ARID4B: variants seen among roughly 807,000 people sequenced by gnomAD.
ARID4B encodes AT-rich interactive domain-containing protein 4B.
ARID4B carries 26 observed loss-of-function variants against 147.5 expected under a neutral mutation model. The ratio of observed to expected loss-of-function variants is 0.18; its 90% CI spans 0.13 to 0.24. The LOEUF is 0.24. Ranked by LOEUF, ARID4B falls within the 10% of genes least tolerant of loss-of-function variation. ARID4B has a pLI of 1.00. For missense variants in ARID4B, 1,179 were observed against 1,511.5 expected (o/e 0.78, Z 3.65); for synonymous variants, 512 against 507.9 (o/e 1.01, Z -0.11).
At chr1:235,307,158 G>A (rs1241420497) in intron 2 of ARID4B, among the ~76,000 whole-genome samples, 1 of 152,184 alleles carries the variant, frequency 6.6e-6, no homozygotes, top group East Asian at 1.9e-4. Flanking sequence ...AATAGAAAAT[G>A]TCTGGCTGGG....
chr1:235,272,726 T>C (rs1380064000), intron 2 of ARID4B, among the ~76,000 whole-genome samples: 1 of 138,020 alleles, frequency 7.2e-6, no homozygotes, highest in Non-Finnish European at 1.6e-5. Context: ...TAATTAAATA[T>C]AAATTACATA....
rs545187504 is a variant in ARID4B, at chr1:235,255,930, T to C, written c.184-180A>G. 8.5e-5 allele frequency among the ~76,000 whole-genome samples: 13 copies of C among 152,066 alleles called. No individual in the cohort carries two copies. The East Asian group carries it at 2.3e-3, about 27-fold the overall frequency. Reference sequence around the variant, plus strand: ...GGCTCACGCCTGCAATCCCAGCACTTTGAGGGGCTGAGGCAGGTGGATCAC... The same window carrying C: ...GGCTCACGCCTGCAATCCCAGCACTCTGAGGGGCTGAGGCAGGTGGATCAC... On this transcript the variant is annotated intron_variant, in intron 4 of 23. Transcript: ENST00000264183.
At chr1:235,243,907 C>G (rs1669142635) in intron 7 of ARID4B, among the ~76,000 whole-genome samples, 1 of 151,878 alleles carries the variant, frequency 6.6e-6, no homozygotes, top group Non-Finnish European at 1.5e-5. Flanking sequence ...GAATCAAATT[C>G]TCATATTAAA....
At chr1:235,237,628 GTTTC>G (rs967229316) in intron 8 of ARID4B, among the ~76,000 whole-genome samples, 4 of 152,104 alleles carry the variant, frequency 2.6e-5, no homozygotes, top group African/African-American at 9.7e-5. Flanking sequence ...TAGTTCTATT[GTTTC>G]TTTTTCATTT....
At chr1:235,300,385 C>T (rs1673032001) in intron 2 of ARID4B, among the ~76,000 whole-genome samples, 1 of 151,124 alleles carries the variant, frequency 6.6e-6, no homozygotes, top group Non-Finnish European at 1.5e-5. Flanking sequence ...CCACTGCACT[C>T]CAGCCTGGGC....
chr1:235,294,177 C>A (rs932843063), intron 2 of ARID4B, among the ~76,000 whole-genome samples: 2 of 151,976 alleles, frequency 1.3e-5, no homozygotes, highest in South Asian at 2.1e-4. Flanking sequence ...AAAATTGACA[C>A]TGGACTTTCA....
At chr1:235,201,925 T>C (rs1195997137) in intron 17 of ARID4B, among the ~76,000 whole-genome samples, 2 of 151,758 alleles carry the variant, frequency 1.3e-5, no homozygotes, top group Admixed American at 6.6e-5. Context: ...TAAATTGTCT[T>C]GCAATTTTAG....
chr1:235,287,999 T>C (rs1354691512), intron 2 of ARID4B, among the ~76,000 whole-genome samples: 1 of 152,212 alleles, frequency 6.6e-6, no homozygotes, highest in African/African-American at 2.4e-5. Flanking sequence ...CATATTATCC[T>C]TGTAAAAATA....
In ARID4B at chr1:235,198,174, G is replaced by T. The variant is rs535497028; in HGVS notation, c.1842-2059C>A. Among the ~76,000 whole-genome samples, 4 of 152,302 alleles carry T rather than the reference G, an allele frequency of 2.6e-5. No homozygotes were observed. In the South Asian group the frequency reaches 8.3e-4, roughly 32 times the overall value. On this transcript the variant is annotated intron_variant, in intron 17 of 23. Transcript: ENST00000264183. Reference sequence around the variant, plus strand: ...ATAACATTAATGTGAGCTAAACAAAGTTATAATCATGTTCTACCTTTCTTA... The same window carrying T: ...ATAACATTAATGTGAGCTAAACAAATTTATAATCATGTTCTACCTTTCTTA...
chr1:235,311,401 T>C lies in ARID4B; in HGVS notation c.6+15513A>G, dbSNP rs182003852. ...ATAATAATAATAATAATAATAATAA[T>C]TCATAGGACTATAAGAAGCTTTGTA... is the stretch of plus-strand genomic sequence containing the variant. On this transcript the variant is annotated intron_variant, in intron 2 of 23. Transcript: ENST00000264183. 1.2e-3 allele frequency among the ~76,000 whole-genome samples: 170 copies of C among 142,224 alleles called. 1 individual carries two copies. Among genetic ancestry groups the C allele is most frequent in the African/African-American group, 4.3e-3 (167 of 38,668 alleles). 93.3% of individuals were successfully genotyped at this position (142,224 alleles called of 152,430 possible).
intron 2 of ARID4B, among the ~76,000 whole-genome samples, chr1:235,289,052 GAATA>G (rs1178503796): frequency 6.6e-6 from 1 of 152,156 alleles, no homozygotes; most frequent in Non-Finnish European, 1.5e-5. Flanking sequence ...CTGGCCCCAG[GAATA>G]AATGGCCAAA....
In ARID4B at chr1:235,182,586, G is replaced by C. The variant is rs1477278247; in HGVS notation, c.2333C>G (p.Ser778Cys). The C allele has an allele frequency of 6.2e-7, 1 of 1,612,318 alleles. No homozygotes were observed. The highest frequency in any genetic ancestry group is 8.5e-7 in the Non-Finnish European group (1 of 1,179,662). ...DLVISKPVSK[S>C]PERLRKDIEV... ...TATATCTTTCCTTAATCTTTCTGGA[G>C]ATTTTGACACTGGTTTGGATATTAC... The change falls in exon 20 of 24, where the codon TCT becomes TGT. Residue 778 changes from serine to cysteine, a missense_variant. By Grantham distance (112) the Ser-to-Cys change is moderately radical. Transcript: ENST00000264183.
chr1:235,309,467 T>G (rs1673873774), intron 2 of ARID4B, among the ~76,000 whole-genome samples: 1 of 135,162 alleles, frequency 7.4e-6, no homozygotes, highest in Non-Finnish European at 1.6e-5. Flanking sequence ...ATCCGGGAGG[T>G]AAGGGGCGCC....
intron 2 of ARID4B, among the ~76,000 whole-genome samples, chr1:235,325,727 T>G (rs1675184334): frequency 6.6e-6 from 1 of 152,204 alleles, no homozygotes; most frequent in African/African-American, 2.4e-5. Flanking sequence ...CTATGCTTCA[T>G]GAAATGAGAT....
chr1:235,270,544 CAG>C (rs956958530), intron 2 of ARID4B, among the ~76,000 whole-genome samples: 2 of 152,158 alleles, frequency 1.3e-5, no homozygotes, highest in African/African-American at 4.8e-5. Flanking sequence ...CAAATATTAA[CAG>C]AAGAGTATCT....
At chr1:235,311,360 A>AATC (rs1213041427) in intron 2 of ARID4B, among the ~76,000 whole-genome samples, 1 of 28,926 alleles carries the variant, frequency 3.5e-5, no homozygotes, top group Non-Finnish European at 6.3e-5. Context: ...TCAAAACAAT[A>AATC]ATAATAATAA....
At chr1:235,296,765 T>C (rs1572179719) in intron 2 of ARID4B, among the ~76,000 whole-genome samples, 1 of 110,094 alleles carries the variant, frequency 9.1e-6, no homozygotes, top group African/African-American at 3.8e-5. Context: ...CAGCCATAAT[T>C]TACTCTAATT....
intron 7 of ARID4B, among the ~76,000 whole-genome samples, chr1:235,245,160 T>C (rs762855829): frequency 3.9e-5 from 6 of 152,182 alleles, no homozygotes; most frequent in Non-Finnish European, 7.4e-5. Flanking sequence ...AAATCTCTCA[T>C]TACACATAGA....
intron 2 of ARID4B, 126 bp from the exon 3 acceptor site, chr1:235,260,878 G>T: frequency 1.6e-6 from 1 of 617,002 alleles, no homozygotes. Context: ...ATGTTAACAA[G>T]ACCAATCTAT....
Sources: allele counts gnomAD v4.1 joint callset (sites outside exome capture counted in the v4.1 genomes callset), GRCh38; gene constraint gnomAD v4.1.1; transcripts MANE v1.5; gene names NCBI Gene and HGNC (gene_info 2026-07-23, HGNC 2026-07-21).